The following PTPRG variants were observed in gnomAD, a reference collection of about 807,000 sequenced individuals.
PTPRG encodes the protein receptor-type tyrosine-protein phosphatase gamma.
In PTPRG, 102 loss-of-function variants were observed where a neutral mutation model predicts 165.3. The ratio of observed to expected loss-of-function variants is 0.62; its 90% CI spans 0.53 to 0.73. PTPRG has a LOEUF of 0.73. Among genes scored for constraint, PTPRG ranks in the 30% least tolerant of loss-of-function variants. The probability of loss-of-function intolerance (pLI) is 0.00; values close to 1 mark genes in which losing one functional copy is unlikely to be tolerated. For synonymous variants in PTPRG, 675 were observed against 669.5 expected (o/e 1.01, Z -0.13); for missense variants, 1,866 against 1,861.4 (o/e 1.00, Z -0.05).
At chr3:61,607,384 A>C (rs1292541786) in intron 1 of PTPRG, among the ~76,000 whole-genome samples, 1 of 152,190 alleles carries the variant, frequency 6.6e-6, no homozygotes, top group East Asian at 1.9e-4. Context: ...AATCGGATCA[A>C]ACTGTGTTCT....
chr3:61,634,336 C>T (rs573169109), intron 1 of PTPRG, among the ~76,000 whole-genome samples: 1 of 151,938 alleles, frequency 6.6e-6, no homozygotes, highest in African/African-American at 2.4e-5. Context: ...CTCCCAGGTT[C>T]AAGCGATTCT....
At chr3:61,579,304 TG>T (rs1193019706) in intron 1 of PTPRG, among the ~76,000 whole-genome samples, 5 of 152,204 alleles carry the variant, frequency 3.3e-5, no homozygotes, top group African/African-American at 1.2e-4. Flanking sequence ...TCATGGGGTC[TG>T]GGAGTTTTAC....
intron 1 of PTPRG, among the ~76,000 whole-genome samples, chr3:61,593,185 G>A (rs1700615747): frequency 6.6e-6 from 1 of 151,980 alleles, no homozygotes; most frequent in African/African-American, 2.4e-5. Context: ...GCAAGTCAGG[G>A]AACTCTGGCC....
intron 2 of PTPRG, among the ~76,000 whole-genome samples, chr3:61,936,684 C>T (rs1337217590): frequency 1.3e-5 from 2 of 152,224 alleles, no homozygotes; most frequent in Middle Eastern, 3.4e-3. Context: ...AGGGGATCAT[C>T]GCTTTTTAGT....
intron 1 of PTPRG, among the ~76,000 whole-genome samples, chr3:61,717,671 C>A (rs1346817256): frequency 6.6e-6 from 1 of 152,056 alleles, no homozygotes; most frequent in Non-Finnish European, 1.5e-5. Context: ...TGCCTATAGT[C>A]CCAGCTACTT....
At chr3:61,979,376 C>T (rs578196726) in intron 2 of PTPRG, among the ~76,000 whole-genome samples, 2 of 152,168 alleles carry the variant, frequency 1.3e-5, no homozygotes, top group Non-Finnish European at 2.9e-5. Context: ...GTTTGCCTTA[C>T]CCTAGTCCTA....
intron 2 of PTPRG, among the ~76,000 whole-genome samples, chr3:61,951,431 A>G (rs915726609): frequency 2.0e-5 from 3 of 152,204 alleles, no homozygotes; most frequent in Non-Finnish European, 2.9e-5. Context: ...TGCCCTTTGT[A>G]GAAAGATTTT....
Position 62,203,196 on chromosome 3 carries a change from A to C in PTPRG, c.1401A>C (p.Ser467=), listed in dbSNP as rs781761603. 6.3e-7 allele frequency: 1 copy of C among 1,598,672 alleles called. No homozygotes were observed. The highest frequency in any genetic ancestry group is 8.5e-7 in the Non-Finnish European group (1 of 1,169,740). ...TGVPTASPAS[S]ADMAPISSGS... Reference sequence around the variant, plus strand: ...AGCCCACAGCGTCTCCTGCCTCTTCAGCCGACATGGCCCCCATCAGCTCGG... The same window carrying C: ...AGCCCACAGCGTCTCCTGCCTCTTCCGCCGACATGGCCCCCATCAGCTCGG... Residue 467 remains serine (S), a synonymous_variant, in exon 12 of 30, where the codon TCA becomes TCC. Coordinates refer to ENST00000474889, the MANE Select transcript of PTPRG (RefSeq NM_002841.4). This position sits in a 1 kb window ranked among gnomAD's most constrained non-coding sequence, Gnocchi z 6.4.
chr3:61,576,320 C>T (rs1700172521), intron 1 of PTPRG, among the ~76,000 whole-genome samples: 1 of 152,146 alleles, frequency 6.6e-6, no homozygotes. Context: ...AAATTATCAG[C>T]ACGAGTAGGG....
chr3:61,808,850 T>C (rs1364762488), intron 2 of PTPRG, among the ~76,000 whole-genome samples: 1 of 151,842 alleles, frequency 6.6e-6, no homozygotes, highest in East Asian at 1.9e-4. Flanking sequence ...TAATGGGGCC[T>C]TTTGATCCAA....
At chr3:61,901,791 G>C (rs764270329) in intron 2 of PTPRG, among the ~76,000 whole-genome samples, 1 of 152,120 alleles carries the variant, frequency 6.6e-6, no homozygotes. Flanking sequence ...ATAAATTCAG[G>C]CTCCACAATT....
chr3:62,188,618 C>A (rs373765589), intron 8 of PTPRG, among the ~76,000 whole-genome samples: 1 of 152,030 alleles, frequency 6.6e-6, no homozygotes, highest in East Asian at 1.9e-4. Context: ...TCTTAATGCA[C>A]ACAGAAAAAC....
At chr3:62,111,008 G>T (rs1015351702) in intron 5 of PTPRG, among the ~76,000 whole-genome samples, 1 of 152,138 alleles carries the variant, frequency 6.6e-6, no homozygotes, top group African/African-American at 2.4e-5. Context: ...GAGATTGTAG[G>T]GCTCTGTGGG....
chr3:61,694,768 A>G (rs534751119), intron 1 of PTPRG, among the ~76,000 whole-genome samples: 6 of 152,316 alleles, frequency 3.9e-5, no homozygotes, highest in Admixed American at 1.3e-4. Context: ...ATGATTTTCC[A>G]TCTATATACT....
intron 2 of PTPRG, among the ~76,000 whole-genome samples, chr3:61,880,981 T>C (rs2037873736): frequency 6.6e-6 from 1 of 151,818 alleles, no homozygotes; most frequent in African/African-American, 2.4e-5. Context: ...AATTTTGTTA[T>C]AGCCCCTATT....
chr3:62,041,438 A>T (rs1292255453), intron 4 of PTPRG, among the ~76,000 whole-genome samples: 1 of 152,206 alleles, frequency 6.6e-6, no homozygotes, highest in Non-Finnish European at 1.5e-5. Flanking sequence ...CACACAAGAC[A>T]AGACTTTTAG....
At chr3:62,251,518 C>T (rs1370269249) in intron 15 of PTPRG, among the ~76,000 whole-genome samples, 1 of 152,064 alleles carries the variant, frequency 6.6e-6, no homozygotes, top group Non-Finnish European at 1.5e-5. Context: ...CGGAACTATA[C>T]CTAGCTACTT....
intron 2 of PTPRG, among the ~76,000 whole-genome samples, chr3:61,968,622 G>A (rs763908847): frequency 1.3e-5 from 2 of 152,146 alleles, no homozygotes; most frequent in Non-Finnish European, 2.9e-5. Context: ...GCTTTTTATA[G>A]ATCTATTTGA....
chr3:61,643,596 T>C, intron 1 of PTPRG, among the ~76,000 whole-genome samples: 1 of 152,206 alleles, frequency 6.6e-6, no homozygotes, highest in East Asian at 1.9e-4. Flanking sequence ...CTGGCCAACA[T>C]GATGAAACCC....
Sources: gnomAD v4.1 joint callset for allele counts (sites outside exome capture counted in the v4.1 genomes callset) on GRCh38, gnomAD v4.1.1 for gene constraint, Gnocchi (gnomAD v3.1) non-coding constraint, MANE v1.5 for transcripts, NCBI Gene and HGNC (gene_info 2026-07-23, HGNC 2026-07-21) for gene names.